FRAS1: variants seen among roughly 807,000 people sequenced by gnomAD.
FRAS1 encodes the protein extracellular matrix organizing protein FRAS1.
A neutral mutation model predicts 435.2 loss-of-function variants in FRAS1; 290 were observed. The ratio of observed to expected loss-of-function variants is 0.67; its 90% CI spans 0.61 to 0.73. FRAS1 has a LOEUF of 0.73. Ranked by LOEUF, FRAS1 falls within the 30% of genes least tolerant of loss-of-function variation. FRAS1 has a pLI of 0.00. For synonymous variants in FRAS1, 1,800 were observed against 1,851.0 expected (o/e 0.97, Z 0.71); for missense variants, 4,860 against 5,001.5 (o/e 0.97, Z 0.85).
At chr4:78,357,933 A>G (rs1730925750) in intron 20 of FRAS1, among the ~76,000 whole-genome samples, 2 of 152,042 alleles carry the variant, frequency 1.3e-5, no homozygotes, top group African/African-American at 2.4e-5. Flanking sequence ...TTTTCTTTCT[A>G]TCTCCTGTGC....
intron 15 of FRAS1, among the ~76,000 whole-genome samples, chr4:78,308,684 T>G (rs530964007): frequency 6.6e-6 from 1 of 152,340 alleles, no homozygotes; most frequent in South Asian, 2.1e-4. Context: ...TTAACACCCA[T>G]GGCCATAACA....
intron 2 of FRAS1, among the ~76,000 whole-genome samples, chr4:78,150,975 TATA>T (rs376258905): frequency 2.9e-4 from 44 of 152,332 alleles, no homozygotes; most frequent in African/African-American, 1.0e-3. Context: ...AGGCCAACCT[TATA>T]ATATTTATTA....
At position 78,387,626 on chromosome 4, in the gene FRAS1, C is replaced by G. The variant is rs10002465; in HGVS notation, c.3900C>G (p.Ser1300=). Residue 1300 remains serine, a synonymous_variant, in exon 29 of 74, where the codon TCC becomes TCG. Coordinates refer to ENST00000512123, the MANE Select transcript of FRAS1 (RefSeq NM_025074.7). Reference sequence around the variant, plus strand: ...CTCATGATGGTTCAGACAGCACATCCGATGTTGCAGTCTTGCAGGCCAATG... The same window carrying G: ...CTCATGATGGTTCAGACAGCACATCGGATGTTGCAGTCTTGCAGGCCAATG... The part of the protein sequence containing the change: ...HYAHDGSDST[S]DVAVLQANDG... 4 of 1,609,690 alleles carry G rather than the reference C, an allele frequency of 2.5e-6. No individual in the cohort carries two copies. The highest frequency in any genetic ancestry group is 3.4e-6 in the Non-Finnish European group (4 of 1,176,926).
chr4:78,173,084 A>G (rs921627675), intron 2 of FRAS1, among the ~76,000 whole-genome samples: 4 of 152,240 alleles, frequency 2.6e-5, no homozygotes, highest in African/African-American at 9.6e-5. Context: ...CTTCGGTTTT[A>G]CAACTCTGCT....
At chr4:78,426,890 C>G (rs1734016992) in intron 35 of FRAS1, among the ~76,000 whole-genome samples, 1 of 152,180 alleles carries the variant, frequency 6.6e-6, no homozygotes, top group Admixed American at 6.5e-5. Context: ...CTTTTTTCCA[C>G]TTACTTACAG....
intron 2 of FRAS1, among the ~76,000 whole-genome samples, chr4:78,220,711 G>A (rs1281070275): frequency 6.6e-6 from 1 of 152,128 alleles, no homozygotes; most frequent in Non-Finnish European, 1.5e-5. Flanking sequence ...CTAATCTGAA[G>A]GTGTGAGACT....
chr4:78,214,403 A>C (rs1045714140), intron 2 of FRAS1, among the ~76,000 whole-genome samples: 3 of 152,254 alleles, frequency 2.0e-5, no homozygotes, highest in African/African-American at 7.2e-5. Context: ...AAGCAAACAC[A>C]GAAGTTGAGA....
chr4:78,305,488 T>C (rs1201791246), intron 14 of FRAS1, among the ~76,000 whole-genome samples: 1 of 149,984 alleles, frequency 6.7e-6, no homozygotes, highest in East Asian at 1.9e-4. Context: ...TATTATTGTG[T>C]GGGAGTCTAA....
Position 78,267,473 on chromosome 4 carries a change from T to C in FRAS1, c.981+41T>C, listed in dbSNP as rs768242539. 37 of 1,579,126 alleles carry C rather than the reference T, an allele frequency of 2.3e-5. No homozygotes were observed. In the South Asian group the frequency reaches 3.7e-4, roughly 16 times the overall value. ...ATTTCCATTTGGAACGTTGCAGCTC[T>C]TTCCAACGGGATAGTGAGGGGTCCT... is the stretch of plus-strand genomic sequence containing the variant. On this transcript the variant is annotated intron_variant, in intron 9 of 73. Transcript: ENST00000512123.
At chr4:78,481,391 A>G (rs779977280) in intron 56 of FRAS1, among the ~76,000 whole-genome samples, 2 of 152,182 alleles carry the variant, frequency 1.3e-5, no homozygotes, top group Non-Finnish European at 2.9e-5. Context: ...GTCCTCCTTA[A>G]TTGACTATTT....
rs750774795 is a variant in FRAS1, at chr4:78,472,311, T to A, written c.7503T>A (p.Ala2501=). ...AGAACAAGCTGCAGCCTGGCAGAGC[T>A]GCTGCCACTTTCACCCAGGGTGGGG... is the stretch of plus-strand genomic sequence containing the variant. The part of the protein sequence containing the change: ...FVENKLQPGR[A]AATFTQEDVN... Residue 2501 remains alanine (A), a synonymous_variant, in exon 52 of 74, where the codon GCT becomes GCA. Coordinates refer to ENST00000512123, the MANE Select transcript of FRAS1 (RefSeq NM_025074.7). 3.7e-6 allele frequency: 6 copies of A among 1,607,280 alleles called. No individual in the cohort carries two copies. Among genetic ancestry groups the A allele is most frequent in the Non-Finnish European group, 4.3e-6 (5 of 1,175,468 alleles).
chr4:78,275,690 A>G (rs926548967), intron 9 of FRAS1, among the ~76,000 whole-genome samples: 1 of 152,188 alleles, frequency 6.6e-6, no homozygotes, highest in East Asian at 1.9e-4. Context: ...ATCAGCTGTT[A>G]GTCTGATGGG....
intron 2 of FRAS1, among the ~76,000 whole-genome samples, chr4:78,106,108 A>G (rs1346459482): frequency 8.6e-6 from 1 of 116,950 alleles, no homozygotes; most frequent in Admixed American, 9.5e-5. Flanking sequence ...TGCCCACGGA[A>G]TCTCGCTGAT....
chr4:78,184,983 C>T (rs1022503164), intron 2 of FRAS1, among the ~76,000 whole-genome samples: 2 of 152,212 alleles, frequency 1.3e-5, no homozygotes, highest in African/African-American at 2.4e-5. Flanking sequence ...ATCACATCTT[C>T]ATTTTTCAGC....
chr4:78,473,418 G>T lies in FRAS1; in HGVS notation c.7523-20G>T. ...CGTTACATCCCTGGGTTAATTCACA[G>T]TGAGTCTTTTTTCTCACAGAGGATG... On this transcript the variant is annotated intron_variant, in intron 52 of 73. Transcript: ENST00000512123. The T allele has an allele frequency of 6.2e-7, 1 of 1,606,238 alleles. No individual in the cohort carries two copies. Among genetic ancestry groups the T allele is most frequent in the Non-Finnish European group, 8.5e-7 (1 of 1,174,980 alleles).
intron 30 of FRAS1, among the ~76,000 whole-genome samples, chr4:78,405,069 A>G (rs1197918684): frequency 1.3e-5 from 2 of 152,174 alleles, no homozygotes; most frequent in African/African-American, 2.4e-5. Flanking sequence ...TGGGTACTCA[A>G]TGACTATTTA....
At chr4:78,422,075 C>T in intron 34 of FRAS1, 75 bp downstream of exon 34, 1 of 1,473,082 alleles carries the variant, frequency 6.8e-7, no homozygotes, top group Non-Finnish European at 9.1e-7. Context: ...CCCTAACTCT[C>T]CCTGCAGTCC....
At chr4:78,293,836 C>T (rs1385768256) in intron 14 of FRAS1, among the ~76,000 whole-genome samples, 2 of 152,200 alleles carry the variant, frequency 1.3e-5, no homozygotes, top group East Asian at 3.8e-4. Flanking sequence ...AGGAAGCTGG[C>T]TGTGTTTGGC....
intron 3 of FRAS1, among the ~76,000 whole-genome samples, chr4:78,237,840 T>C (rs574653060): frequency 6.6e-6 from 1 of 152,330 alleles, no homozygotes; most frequent in South Asian, 2.1e-4. Context: ...TTATTGGGCA[T>C]TTACTCTGGA....
Sources: allele counts gnomAD v4.1 joint callset (sites outside exome capture counted in the v4.1 genomes callset), GRCh38; gene constraint gnomAD v4.1.1; transcripts MANE v1.5; gene names NCBI Gene and HGNC (gene_info 2026-07-23, HGNC 2026-07-21).